CDK17: variants seen among roughly 807,000 people sequenced by gnomAD.
CDK17 encodes the protein cyclin dependent kinase 17, also known as cyclin-dependent kinase 17.
A neutral mutation model predicts 77.6 loss-of-function variants in CDK17; 24 were observed. The observed-to-expected ratio is 0.31, with a 90% CI of 0.22 to 0.44. The LOEUF (loss-of-function observed/expected upper bound fraction) is 0.44, where lower values mean the gene tolerates loss of function less well. CDK17 is among the 20% of genes least tolerant of loss of function. The pLI is 1.00. For synonymous variants in CDK17, 203 were observed against 210.4 expected (o/e 0.96, Z 0.30); for missense variants, 429 against 622.5 (o/e 0.69, Z 3.31).
In CDK17 at chr12:96,298,964, T is replaced by C. The variant is rs979113388; in HGVS notation, c.620A>G (p.Tyr207Cys). The C allele has an allele frequency of 1.3e-6, 2 of 1,581,702 alleles. No homozygotes were observed. Among genetic ancestry groups the C allele is most frequent in the Non-Finnish European group, 1.7e-6 (2 of 1,151,116 alleles). The change falls in exon 7 of 17, where the codon TAT becomes TGT. Residue 207 changes from tyrosine (Y) to cysteine (C), a missense_variant. Physicochemically the swap from Tyr to Cys is radical, Grantham distance 194. Around this residue, in one of 4 missense-constraint regions of CDK17, gnomAD observed 262 missense variants for 385.4 expected, o/e 0.68. Coordinates refer to ENST00000261211, the MANE Select transcript of CDK17 (RefSeq NM_002595.5). ...CTCTGTCAATTTACTTCTTCCTTTA[T>C]ATACTGTTGCATATGTACCCTATAA... ...KLGEGTYATV[Y>C]KGRSKLTENL... is the part of the protein sequence containing the mutation.
rs1952138153 is a variant in CDK17 at position 96,278,899 on chromosome 12, A to C, written c.*1343T>G. On this transcript the variant is annotated 3_prime_UTR_variant, in exon 17 of 17. Transcript: ENST00000261211. ...ATCCACTTAATACTGTTAAATAACA[A>C]CAATAAACTACAAGATTTCCTGAAC... 1 of 152,614 alleles carries C rather than the reference A, an allele frequency of 6.6e-6. No homozygotes were observed. Among genetic ancestry groups the C allele is most frequent in the Non-Finnish European group, 1.5e-5 (1 of 67,998 alleles). 9.5% of individuals were successfully genotyped at this position (152,614 alleles called of 1,614,324 possible).
chr12:96,348,523 C>CAAAAAAAAAAAAAAAAAAAAAAAAA (rs35363324), intron 1 of CDK17, among the ~76,000 whole-genome samples: 8 of 66,368 alleles, frequency 1.2e-4, no homozygotes, highest in Non-Finnish European at 1.8e-4. Context: ...GACTCTGTCT[C>CAAAAAAAAAAAAAAAAAAAAAAAAA]AAAAAAAAAA....
At chr12:96,338,127 T>C (rs1325379352) in intron 1 of CDK17, among the ~76,000 whole-genome samples, 2 of 152,204 alleles carry the variant, frequency 1.3e-5, no homozygotes, top group Admixed American at 6.5e-5. Flanking sequence ...GTAACTAAAG[T>C]CAGTCATATG....
chr12:96,286,201 T>C, intron 12 of CDK17, 53 bp from the exon 13 acceptor site: 1 of 425,698 alleles, frequency 2.3e-6, no homozygotes, highest in Admixed American at 4.8e-5. Context: ...AAAATTTATA[T>C]ATAAAAATTA....
chr12:96,331,661 T>A (rs1408688101), intron 2 of CDK17, among the ~76,000 whole-genome samples: 1 of 152,198 alleles, frequency 6.6e-6, no homozygotes, highest in East Asian at 1.9e-4. Context: ...TTTGGGATAT[T>A]CTATTGTATT....
At chr12:96,303,074 C>T (rs1295097197) in intron 5 of CDK17, 1 of 152,092 alleles carries the variant, frequency 6.6e-6, no homozygotes, top group Non-Finnish European at 1.5e-5. Context: ...GAAAATTTTG[C>T]TTGCATTTTT....
chr12:96,346,096 T>C (rs1181661662), intron 1 of CDK17, among the ~76,000 whole-genome samples: 1 of 152,078 alleles, frequency 6.6e-6, no homozygotes, highest in Non-Finnish European at 1.5e-5. Context: ...AGTGGGTGGA[T>C]CGTGTGAGGT....
intron 1 of CDK17, among the ~76,000 whole-genome samples, chr12:96,377,292 T>C (rs2137219518): frequency 6.6e-6 from 1 of 152,278 alleles, no homozygotes; most frequent in Admixed American, 6.5e-5. Flanking sequence ...AAGAAAAAAT[T>C]ACTTCACCAT....
chr12:96,309,725 A>G (rs1249704942), intron 5 of CDK17, among the ~76,000 whole-genome samples: 1 of 152,234 alleles, frequency 6.6e-6, no homozygotes, highest in African/African-American at 2.4e-5. Context: ...TAAACATACG[A>G]TGAATAATAA....
At chr12:96,371,002 T>C (rs558131447) in intron 1 of CDK17, among the ~76,000 whole-genome samples, 2 of 152,226 alleles carry the variant, frequency 1.3e-5, no homozygotes, top group East Asian at 3.9e-4. Context: ...TCTTCTAAAT[T>C]GGTTTACTTA....
In CDK17 at chr12:96,320,623, G is replaced by C. The variant is rs1405725208; in HGVS notation, c.283+3325C>G. 2.0e-5 allele frequency among the ~76,000 whole-genome samples: 3 copies of C among 151,774 alleles called. No homozygotes were observed. The East Asian group carries it at 5.8e-4, about 29-fold the overall frequency. Reference sequence around the variant, plus strand: ...ACCAAAACAGAGATATAGATCAATGGAACAGAACAGAGCCTTCAGAAATAA... The same window carrying C: ...ACCAAAACAGAGATATAGATCAATGCAACAGAACAGAGCCTTCAGAAATAA... On this transcript the variant is annotated intron_variant, in intron 3 of 16. Transcript: ENST00000261211.
intron 2 of CDK17, among the ~76,000 whole-genome samples, chr12:96,329,282 T>C (rs1952934676): frequency 6.6e-6 from 1 of 152,178 alleles, no homozygotes; most frequent in African/African-American, 2.4e-5. Context: ...CTATAAAATG[T>C]TAAACTTTGT....
At chr12:96,312,533 A>G (rs1002832524) in intron 4 of CDK17, among the ~76,000 whole-genome samples, 8 of 152,204 alleles carry the variant, frequency 5.3e-5, no homozygotes, top group African/African-American at 1.7e-4. Flanking sequence ...TAGAAAACTG[A>G]TAAGATTTCC....
At chr12:96,366,489 GA>G (rs1953584907) in intron 1 of CDK17, among the ~76,000 whole-genome samples, 1 of 152,082 alleles carries the variant, frequency 6.6e-6, no homozygotes, top group Non-Finnish European at 1.5e-5. Flanking sequence ...AGGACAAACA[GA>G]CATCAAGTAA....
At chr12:96,324,169 A>G (rs1952862472) in intron 2 of CDK17, 57 bp from the exon 3 acceptor site, 3 of 1,390,880 alleles carry the variant, frequency 2.2e-6, no homozygotes, top group African/African-American at 2.9e-5. Flanking sequence ...CCAGGATCAC[A>G]TGAGAAGGAT....
At chr12:96,301,241 C>CAAAAAAAAAA (rs376295045) in intron 5 of CDK17, among the ~76,000 whole-genome samples, 3 of 85,558 alleles carry the variant, frequency 3.5e-5, no homozygotes, top group Non-Finnish European at 4.6e-5. Context: ...AACACTCGGC[C>CAAAAAAAAAA]AAAAAAAAAA....
intron 1 of CDK17, among the ~76,000 whole-genome samples, chr12:96,382,024 C>G (rs1953891250): frequency 6.6e-6 from 1 of 151,908 alleles, no homozygotes; most frequent in Non-Finnish European, 1.5e-5. Flanking sequence ...ATTCGTGGTA[C>G]TGGTACAACA....
chr12:96,349,180 G>A lies in CDK17; in HGVS notation c.-29-14315C>T, dbSNP rs556661895. On this transcript the variant is annotated intron_variant, in intron 1 of 16. Coordinates refer to ENST00000261211, the MANE Select transcript of CDK17 (RefSeq NM_002595.5). The stretch of plus-strand genomic sequence containing the variant: ...AGAAAATCAATTAATGTAGCCAGGC[G>A]CAGTGGCTCACGCCCATAATCTCAG... Among the ~76,000 whole-genome samples, 73 of 152,290 alleles carry A rather than the reference G, an allele frequency of 4.8e-4. No homozygotes were observed. In the South Asian group the frequency reaches 0.014, roughly 29 times the overall value.
intron 5 of CDK17, among the ~76,000 whole-genome samples, chr12:96,307,608 T>C (rs1253045168): frequency 2.6e-5 from 4 of 152,128 alleles, no homozygotes; most frequent in African/African-American, 9.7e-5. Flanking sequence ...CAGTGGCTTA[T>C]GCCTGTAATC....
Sources: allele counts gnomAD v4.1 joint callset (sites outside exome capture counted in the v4.1 genomes callset), GRCh38; gene constraint gnomAD v4.1.1; regional missense constraint gnomAD v4.1.1; transcripts MANE v1.5; gene names NCBI Gene and HGNC (gene_info 2026-07-23, HGNC 2026-07-21).